The following MAPRE2 variants were observed in gnomAD, a reference collection of about 807,000 sequenced individuals.
MAPRE2 encodes the protein microtubule associated protein RP/EB family member 2.
In MAPRE2, 13 loss-of-function variants were observed where a neutral mutation model predicts 43.2. The observed-to-expected ratio is 0.30, with a 90% CI of 0.20 to 0.48. The LOEUF is 0.48. Ranked by LOEUF, MAPRE2 falls within the 20% of genes least tolerant of loss-of-function variation. The probability of loss-of-function intolerance (pLI) is 0.99; values close to 1 mark genes in which losing one functional copy is unlikely to be tolerated. For synonymous variants in MAPRE2, 135 were observed against 148.8 expected (o/e 0.91, Z 0.68); for missense variants, 161 against 400.2 (o/e 0.40, Z 5.10).
intron 3 of MAPRE2, among the ~76,000 whole-genome samples, chr18:35,098,172 G>A (rs932645212): frequency 3.3e-5 from 5 of 152,102 alleles, no homozygotes; most frequent in African/African-American, 1.2e-4. Context: ...AAATGGCCTG[G>A]AGTACTTTTT....
At chr18:35,052,379 A>G (rs139125536) in intron 1 of MAPRE2, among the ~76,000 whole-genome samples, 40 of 152,332 alleles carry the variant, frequency 2.6e-4, no homozygotes, top group African/African-American at 8.9e-4. Context: ...AGATTCATCC[A>G]TATGGGATGT....
At chr18:35,022,296 A>G (rs1456649910) in intron 2 of MAPRE2, among the ~76,000 whole-genome samples, 2 of 152,212 alleles carry the variant, frequency 1.3e-5, no homozygotes, top group South Asian at 2.1e-4. Context: ...AGGGATATCA[A>G]AGCAATTTGT....
chr18:35,070,639 C>G (rs983103183), intron 2 of MAPRE2: 3 of 183,134 alleles, frequency 1.6e-5, no homozygotes, highest in African/African-American at 7.1e-5. Flanking sequence ...CTGAAAACAC[C>G]AATTGGTTCT....
intron 5 of MAPRE2, chr18:35,127,391 G>A (rs762772900): frequency 2.5e-5 from 7 of 277,926 alleles, no homozygotes; most frequent in South Asian, 5.7e-5. Flanking sequence ...AGGCTAGACC[G>A]TTGCCCATCC....
chr18:35,026,701 C>A (rs671757), intron 2 of MAPRE2, among the ~76,000 whole-genome samples: 29,480 of 152,104 alleles, frequency 0.19, 3,032 homozygotes, highest in South Asian at 0.26. Context: ...CATCTGTACC[C>A]CGCTGTTCCT....
At chr18:34,994,502 G>A (rs2097025476) in intron 1 of MAPRE2, among the ~76,000 whole-genome samples, 1 of 151,988 alleles carries the variant, frequency 6.6e-6, no homozygotes, top group African/African-American at 2.4e-5. Context: ...AAAGGCCTTG[G>A]CAGGGCCAGA....
At chr18:35,026,501 G>A (rs2097045260) in intron 2 of MAPRE2, among the ~76,000 whole-genome samples, 1 of 152,062 alleles carries the variant, frequency 6.6e-6, no homozygotes, top group Non-Finnish European at 1.5e-5. Flanking sequence ...CCTGAATGGA[G>A]ATTTGACTTT....
chr18:34,997,383 A>G (rs2097027031), intron 1 of MAPRE2, among the ~76,000 whole-genome samples: 1 of 152,168 alleles, frequency 6.6e-6, no homozygotes, highest in African/African-American at 2.4e-5. Flanking sequence ...GATGATTTTT[A>G]AAAACTTTGA....
chr18:34,998,831 A>T (rs2097027934), intron 1 of MAPRE2, among the ~76,000 whole-genome samples: 1 of 142,390 alleles, frequency 7.0e-6, no homozygotes, highest in South Asian at 2.2e-4. Flanking sequence ...CTTGGCCAAA[A>T]ATGTTAAAAT....
intron 4 of MAPRE2, among the ~76,000 whole-genome samples, chr18:35,119,111 G>A (rs146960700): frequency 5.3e-5 from 8 of 152,260 alleles, no homozygotes; most frequent in Non-Finnish European, 1.0e-4. Context: ...GGAGGTTCTC[G>A]CCTCCCGTGT....
intron 1 of MAPRE2, among the ~76,000 whole-genome samples, chr18:34,980,023 C>CTTTTTTTTTTTTTTTTTTTTTTTT (rs1450524683): frequency 3.8e-5 from 5 of 132,502 alleles, no homozygotes; most frequent in African/African-American, 1.5e-4. Flanking sequence ...TTTTCTTTTT[C>CTTTTTTTTTTTTTTTTTTTTTTTT]TTTTTTTCTT....
chr18:35,056,827 C>A (rs1432822657), intron 1 of MAPRE2, among the ~76,000 whole-genome samples: 2 of 152,114 alleles, frequency 1.3e-5, no homozygotes, highest in Non-Finnish European at 2.9e-5. Context: ...AGTAATGACC[C>A]CTATCCCTAA....
Position 35,137,059 on chromosome 18 carries a change from A to G in MAPRE2, c.910-3236A>G, listed in dbSNP as rs1012765527. Among the ~76,000 whole-genome samples the G allele has an allele frequency of 2.0e-5, 3 of 152,220 alleles. No homozygotes were observed. The East Asian group carries it at 5.8e-4, about 29-fold the overall frequency. On this transcript the variant is annotated intron_variant, in intron 6 of 6. Transcript: ENST00000300249. ...TTGTTTTTTCCTGTGAGCCTGCAAT[A>G]GCATTGTGTGGGCTGTGAGCTCTCA... is the stretch of plus-strand genomic sequence containing the variant.
intron 4 of MAPRE2, among the ~76,000 whole-genome samples, chr18:35,125,555 A>G (rs1909869622): frequency 6.6e-6 from 1 of 152,236 alleles, no homozygotes; most frequent in Non-Finnish European, 1.5e-5. Context: ...GGCCAGTGGG[A>G]GCACAGAGAA....
At chr18:35,133,398 G>A (rs1910249457) in intron 6 of MAPRE2, among the ~76,000 whole-genome samples, 1 of 152,068 alleles carries the variant, frequency 6.6e-6, no homozygotes. Flanking sequence ...AGATCTGATG[G>A]AATAAACCAG....
chr18:35,119,473 C>T (rs944923868), intron 4 of MAPRE2, among the ~76,000 whole-genome samples: 6 of 152,312 alleles, frequency 3.9e-5, no homozygotes, highest in South Asian at 4.1e-4. Context: ...AATGTTAATT[C>T]CACAAGGACA....
intron 5 of MAPRE2, among the ~76,000 whole-genome samples, chr18:35,131,127 C>T (rs1284212771): frequency 2.0e-5 from 3 of 152,160 alleles, no homozygotes; most frequent in South Asian, 2.1e-4. Context: ...CAGTTTTCCT[C>T]GTGTCACGAA....
chr18:35,109,064 A>G (rs1909049408), intron 4 of MAPRE2, among the ~76,000 whole-genome samples: 1 of 152,148 alleles, frequency 6.6e-6, no homozygotes, highest in Non-Finnish European at 1.5e-5. Context: ...TATGTCCTGA[A>G]TGGTATTGCT....
intron 1 of MAPRE2, among the ~76,000 whole-genome samples, chr18:34,977,875 AGGG>A (rs2150567475): frequency 6.6e-6 from 1 of 152,270 alleles, no homozygotes; most frequent in East Asian, 1.9e-4. Flanking sequence ...GAGCCAGGAG[AGGG>A]GTGGACGCGG....
Sources: allele counts gnomAD v4.1 joint callset (sites outside exome capture counted in the v4.1 genomes callset), GRCh38; gene constraint gnomAD v4.1.1; transcripts MANE v1.5; gene names NCBI Gene and HGNC (gene_info 2026-07-23, HGNC 2026-07-21).